SPICE1: variants seen among roughly 807,000 people sequenced by gnomAD.
The protein encoded by SPICE1 is spindle and centriole-associated protein 1.
Under a neutral mutation model 102.7 loss-of-function variants are expected in SPICE1, and 75 were observed. That is an observed-to-expected ratio of 0.73 (90% CI 0.61 to 0.88). The LOEUF (loss-of-function observed/expected upper bound fraction) is 0.88, where lower values mean the gene tolerates loss of function less well. SPICE1 is among the 40% of genes least tolerant of loss of function. SPICE1 has a pLI of 0.00. For missense variants in SPICE1, 979 were observed against 1,020.1 expected, an observed-to-expected ratio of 0.96 and a Z score of 0.55; for synonymous variants, 308 against 350.3, an observed-to-expected ratio of 0.88 and a Z score of 1.35.
At chr3:113,491,209 T>C (rs1400232962) in intron 6 of SPICE1, among the ~76,000 whole-genome samples, 6 of 152,214 alleles carry the variant, frequency 3.9e-5, no homozygotes, top group Admixed American at 6.5e-5. Flanking sequence ...ATCTGAAATA[T>C]TACATGATGA....
At chr3:113,463,423 C>G (rs749294500) in intron 11 of SPICE1, among the ~76,000 whole-genome samples, 3 of 152,110 alleles carry the variant, frequency 2.0e-5, no homozygotes, top group Non-Finnish European at 2.9e-5. Flanking sequence ...TGCACATCTT[C>G]CCAGGAGAAT....
intron 12 of SPICE1, among the ~76,000 whole-genome samples, chr3:113,458,770 C>A (rs1017544701): frequency 6.6e-6 from 1 of 151,482 alleles, no homozygotes; most frequent in Non-Finnish European, 1.5e-5. Flanking sequence ...AAGTGAGGAG[C>A]ATCTCTGCCT....
intron 4 of SPICE1, among the ~76,000 whole-genome samples, chr3:113,497,578 G>C (rs1340001506): frequency 6.6e-6 from 1 of 151,636 alleles, no homozygotes; most frequent in Admixed American, 6.6e-5. Flanking sequence ...AATTACATAG[G>C]AACTGTCTAA....
chr3:113,501,747 T>C (rs1032680247), intron 3 of SPICE1, among the ~76,000 whole-genome samples: 1 of 151,958 alleles, frequency 6.6e-6, no homozygotes, highest in East Asian at 1.9e-4. Context: ...AGAACTAAAA[T>C]GAAAAAGGTG....
intron 2 of SPICE1, among the ~76,000 whole-genome samples, chr3:113,506,121 T>C (rs887324051): frequency 2.6e-5 from 4 of 152,204 alleles, no homozygotes; most frequent in African/African-American, 7.2e-5. Flanking sequence ...GGTTATGATA[T>C]CACTGGTTGC....
chr3:113,447,390 A>G (rs1393255690), intron 16 of SPICE1, among the ~76,000 whole-genome samples: 1 of 152,202 alleles, frequency 6.6e-6, no homozygotes, highest in Non-Finnish European at 1.5e-5. Context: ...TAATGTTGAT[A>G]TAATTGACTG....
Position 113,453,661 on chromosome 3 carries a change from T to G in SPICE1, c.1947A>C (p.Val649=). ...TTCTCAGCTGCTGCCCATCTCCCAG[T>G]ACTGGGAGCTCTTCTGAGAATGTGG... is the stretch of plus-strand genomic sequence containing the variant. ...RSPTFSEELP[V]LGDGQQLRTN... is the part of the protein sequence containing the mutation. Residue 649 remains valine (V), a synonymous_variant, in exon 14 of 18, where the codon GTA becomes GTC. Transcript: ENST00000295872. 2 of 1,614,154 alleles carry G rather than the reference T, an allele frequency of 1.2e-6. No individual in the cohort carries two copies. Among genetic ancestry groups the G allele is most frequent in the Non-Finnish European group, 1.7e-6 (2 of 1,180,016 alleles).
At chr3:113,448,276 C>T (rs1935564993) in intron 15 of SPICE1, 136 bp from the exon 16 acceptor site, 3 of 669,764 alleles carry the variant, frequency 4.5e-6, no homozygotes, top group Non-Finnish European at 6.7e-6. Flanking sequence ...GCCCAAGATA[C>T]ACTTGAAAGA....
intron 6 of SPICE1, among the ~76,000 whole-genome samples, chr3:113,492,593 T>C (rs1936788876): frequency 6.6e-6 from 1 of 152,184 alleles, no homozygotes; most frequent in Admixed American, 6.5e-5. Context: ...AATATCCTAA[T>C]ACATTAAAAG....
intron 10 of SPICE1, 106 bp downstream of exon 10, chr3:113,468,033 A>G (rs1936101202): frequency 3.7e-5 from 51 of 1,367,908 alleles, no homozygotes; most frequent in Non-Finnish European, 5.1e-5. Context: ...AAACGAAGCT[A>G]TTCAAATTTG....
intron 16 of SPICE1, 58 bp from the exon 17 acceptor site, chr3:113,446,734 G>T: frequency 2.2e-6 from 3 of 1,363,878 alleles, no homozygotes; most frequent in Non-Finnish European, 3.1e-6. Context: ...AACCTTAAAA[G>T]ATTATGCAAA....
intron 11 of SPICE1, among the ~76,000 whole-genome samples, chr3:113,462,286 C>T (rs571065565): frequency 6.6e-6 from 1 of 152,312 alleles, no homozygotes; most frequent in Admixed American, 6.5e-5. Context: ...AAACTGTTTG[C>T]TGAGGCACCT....
rs541348281 is a variant in SPICE1, at chr3:113,446,017, G to GA, written c.2514+571dup. ...TATATTTTACTGTACTAGCACCACA[G>GA]AAAAAATGCCTTCTGCAAAAATTTT... On this transcript the variant is annotated intron_variant, in intron 17 of 17. Transcript: ENST00000295872. 2.8e-3 allele frequency among the ~76,000 whole-genome samples: 427 copies of GA among 152,268 alleles called. 3 individuals carry two copies. Among genetic ancestry groups the GA allele is most frequent in the Middle Eastern group, 0.014 (4 of 294 alleles).
chr3:113,503,266 AGTTTTCTT>A, intron 2 of SPICE1, 39 bp from the exon 3 acceptor site: 4 of 1,461,260 alleles, frequency 2.7e-6, no homozygotes, highest in Non-Finnish European at 3.7e-6. Flanking sequence ...AAAAAAAAAA[AGTTTTCTT>A]ATAAAATATA....
At chr3:113,446,884 T>C (rs1345238342) in intron 16 of SPICE1, among the ~76,000 whole-genome samples, 1 of 152,188 alleles carries the variant, frequency 6.6e-6, no homozygotes, top group Non-Finnish European at 1.5e-5. Context: ...TTTGGCTGTG[T>C]CCCCACCAAA....
chr3:113,494,166 A>C (rs755296478), intron 4 of SPICE1, 24 bp from the exon 5 acceptor site: 1 of 1,458,636 alleles, frequency 6.9e-7, no homozygotes, highest in Non-Finnish European at 9.5e-7. Context: ...AATGACAAAT[A>C]TTATTATTCA....
Position 113,484,869 on chromosome 3 carries a change from G to A in SPICE1, c.611+4076C>T, listed in dbSNP as rs139186070. On this transcript the variant is annotated intron_variant, in intron 7 of 17. Coordinates refer to ENST00000295872, the MANE Select transcript of SPICE1 (RefSeq NM_144718.4). ...ATTTGGGGTGGAGAGTTCTGTAGAT[G>A]TCTATTAAGTCTGCTTGGTCCAGAG... Among the ~76,000 whole-genome samples, 638 of 152,250 alleles carry A rather than the reference G, an allele frequency of 4.2e-3. 4 individuals carry two copies. The highest frequency in any genetic ancestry group is 7.5e-3 in the Non-Finnish European group (507 of 68,032).
At chr3:113,461,027 A>G (rs1935921336) in intron 11 of SPICE1, among the ~76,000 whole-genome samples, 1 of 152,094 alleles carries the variant, frequency 6.6e-6, no homozygotes, top group Non-Finnish European at 1.5e-5. Flanking sequence ...ATTAATAAAT[A>G]CCCTGCTATA....
chr3:113,509,485 G>A (rs1377434309), intron 1 of SPICE1, among the ~76,000 whole-genome samples: 1 of 152,174 alleles, frequency 6.6e-6, no homozygotes, highest in Non-Finnish European at 1.5e-5. Flanking sequence ...TATTCTCAAT[G>A]ATGTTAGAAT....
Sources: allele counts gnomAD v4.1 joint callset (sites outside exome capture counted in the v4.1 genomes callset), GRCh38; gene constraint gnomAD v4.1.1; transcripts MANE v1.5; gene names NCBI Gene and HGNC (gene_info 2026-07-23, HGNC 2026-07-21).